Variants in TMC2 observed in about 807,000 individuals in gnomAD.
The protein encoded by TMC2 is transmembrane channel-like protein 2.
A neutral mutation model predicts 105.9 loss-of-function variants in TMC2; 102 were observed. The observed-to-expected ratio is 0.96, with a 90% CI of 0.82 to 1.14. The LOEUF is 1.14. TMC2 is among the 50% of genes most tolerant of loss of function. TMC2 has a pLI of 0.00. For synonymous variants in TMC2, 402 were observed against 422.8 expected (o/e 0.95, Z 0.60); for missense variants, 1,093 against 1,134.3 (o/e 0.96, Z 0.52).
intron 19 of TMC2, among the ~76,000 whole-genome samples, chr20:2,640,871 T>C (rs550917913): frequency 1.7e-4 from 26 of 152,224 alleles, no homozygotes; most frequent in African/African-American, 5.3e-4. Context: ...TTTTGTACTC[T>C]AGAAAACCCG....
intron 17 of TMC2, among the ~76,000 whole-genome samples, chr20:2,629,807 A>T (rs2146264159): frequency 6.6e-6 from 1 of 152,344 alleles, no homozygotes; most frequent in East Asian, 1.9e-4. Context: ...ATCAAACTGT[A>T]GTCCACAAGC....
Position 2,637,355 on chromosome 20 carries a change from T to G in TMC2, c.2386-119T>G, listed in dbSNP as rs1046854194. The G allele has an allele frequency of 6.9e-5, 41 of 591,584 alleles. No homozygotes were observed. The African/African-American group carries it at 7.1e-4, about 10-fold the overall frequency. 36.6% of individuals were successfully genotyped at this position (591,584 alleles called of 1,614,324 possible). On this transcript the variant is annotated intron_variant, in intron 18 of 19. Coordinates refer to ENST00000358864, the MANE Select transcript of TMC2 (RefSeq NM_080751.3). ...GTGAGCCGAGTTCACGCCGCTGCAC[T>G]CCAGCCTGGGCAACAGAGTGAGACT...
At chr20:2,601,544 TAA>T (rs2086351660) in intron 10 of TMC2, among the ~76,000 whole-genome samples, 1 of 152,148 alleles carries the variant, frequency 6.6e-6, no homozygotes, top group Admixed American at 6.5e-5. Flanking sequence ...TTGCTGGGAT[TAA>T]GAGGGACAAT....
chr20:2,557,687 C>T (rs6114895), intron 2 of TMC2, among the ~76,000 whole-genome samples: 20,964 of 152,104 alleles, frequency 0.14, 2,648 homozygotes, highest in African/African-American at 0.33. Context: ...TGCACCACCA[C>T]GCCCAGCTAA....
rs774894465 is a variant in TMC2 at position 2,613,256 on chromosome 20, C to G, written c.1806C>G (p.Asp602Glu). The change falls in exon 14 of 20, where the codon GAC (aspartate) becomes GAG (glutamate). Residue 602 changes from aspartate (D) to glutamate (E), a missense_variant. Transcript: ENST00000358864. ...LVTYITILLG[D>E]FLRACFVRFM... ...CGTACATCACCATCCTGCTGGGGGA[C>G]TTCCTACGGGCTTGTTTTGTGCGGT... 2 of 1,614,028 alleles carry G rather than the reference C, an allele frequency of 1.2e-6. No homozygotes were observed. The highest frequency in any genetic ancestry group is 8.5e-7 in the Non-Finnish European group (1 of 1,180,032).
At chr20:2,557,562 C>T (rs981788867) in intron 2 of TMC2, among the ~76,000 whole-genome samples, 5 of 152,250 alleles carry the variant, frequency 3.3e-5, no homozygotes, top group African/African-American at 1.2e-4. Context: ...TGGAGTCTCG[C>T]TCTTGTCGCT....
intron 2 of TMC2, among the ~76,000 whole-genome samples, chr20:2,556,489 G>T (rs1213011115): frequency 6.6e-6 from 1 of 152,138 alleles, no homozygotes; most frequent in Non-Finnish European, 1.5e-5. Context: ...CATTTTGAGG[G>T]GCTGGACAGG....
At position 2,613,301 on chromosome 20, in the gene TMC2, C is replaced by A. The variant is rs1469030865; in HGVS notation, c.1851C>A (p.Cys617Ter). ...TGCGGTTCATGAACTACTGCTGGTG[C>A]TGGGACTTGGAGGCTGGATTTGTAG... ...CFVRFMNYCW[C>*]WDLEAGFPSY... The change falls in exon 14 of 20, where the codon TGC (cysteine) becomes TGA (stop). Residue 617 changes from cysteine to a stop codon, truncating the protein, a stop_gained. Transcript: ENST00000358864. LOFTEE classifies it high-confidence loss of function. 6.2e-7 allele frequency: 1 copy of A among 1,613,990 alleles called. No homozygotes were observed. The highest frequency in any genetic ancestry group is 1.3e-5 in the African/African-American group (1 of 74,888).
chr20:2,574,210 TA>T (rs1473320212), intron 5 of TMC2, among the ~76,000 whole-genome samples: 1 of 152,246 alleles, frequency 6.6e-6, no homozygotes, highest in Non-Finnish European at 1.5e-5. Flanking sequence ...AATTTTTTTT[TA>T]TTTCTGGGAT....
At chr20:2,569,861 A>C (rs2086090470) in intron 4 of TMC2, among the ~76,000 whole-genome samples, 1 of 152,180 alleles carries the variant, frequency 6.6e-6, no homozygotes, top group Admixed American at 6.5e-5. Context: ...CTTTTTGTGT[A>C]GCCCCTCCAG....
chr20:2,637,303 G>A lies in TMC2; in HGVS notation c.2386-171G>A, dbSNP rs142900608. 4.9e-4 allele frequency among the ~76,000 whole-genome samples: 73 copies of A among 150,172 alleles called. No homozygotes were observed. In the East Asian group the frequency reaches 0.012, roughly 25 times the overall value. ...TCGAGAGGCTGAGGGCAGGAGAATC[G>A]CTTGAACCCAGGAGGCAGAGATTGC... On this transcript the variant is annotated intron_variant, in intron 18 of 19. Transcript: ENST00000358864.
At chr20:2,554,263 T>C (rs370620996) in intron 2 of TMC2, among the ~76,000 whole-genome samples, 1 of 152,098 alleles carries the variant, frequency 6.6e-6, no homozygotes, top group East Asian at 1.9e-4. Context: ...ATAATTTATG[T>C]CTCCAGCCTG....
chr20:2,565,051 G>GC (rs2086054533), intron 4 of TMC2, among the ~76,000 whole-genome samples: 1 of 152,146 alleles, frequency 6.6e-6, no homozygotes, highest in Admixed American at 6.5e-5. Context: ...GGTCCCCATT[G>GC]CCCCTCCCCA....
At chr20:2,611,931 T>C (rs2086443396) in intron 12 of TMC2, among the ~76,000 whole-genome samples, 1 of 151,460 alleles carries the variant, frequency 6.6e-6, no homozygotes, top group Non-Finnish European at 1.5e-5. Flanking sequence ...GATGGATGAA[T>C]AGACAAGTGG....
Position 2,641,127 on chromosome 20 carries a change from T to C in TMC2, c.2504-7T>C, listed in dbSNP as rs750921845. 8.1e-6 allele frequency: 13 copies of C among 1,613,750 alleles called. No homozygotes were observed. The South Asian group carries it at 1.3e-4, about 16-fold the overall frequency. On this transcript the variant is annotated splice_region_variant and splice_polypyrimidine_tract_variant and intron_variant, in intron 19 of 19. Coordinates refer to ENST00000358864, the MANE Select transcript of TMC2 (RefSeq NM_080751.3). The stretch of plus-strand genomic sequence containing the variant: ...CTTCCTCTTTCTTGTCTTGGTTCGT[T>C]TTCCAGAGACCACTCCTCCCTCTGC...
chr20:2,616,342 A>T lies in TMC2; in HGVS notation c.1940+138A>T, dbSNP rs1460813503. On this transcript the variant is annotated intron_variant, in intron 15 of 19. Transcript: ENST00000358864. This position sits in a 1 kb window ranked among gnomAD's most constrained non-coding sequence, Gnocchi z 4.8. ...CTGAACTCCCCTCTTTCACATGAAA[A>T]ATCAAGAGCGGGACTAGATGAGAAG... is the stretch of plus-strand genomic sequence containing the variant. The T allele has an allele frequency of 1.3e-5, 9 of 712,234 alleles. No homozygotes were observed. Among genetic ancestry groups the T allele is most frequent in the Non-Finnish European group, 2.0e-5 (8 of 401,886 alleles). The allele number at this position is 712,234 out of a possible 1,614,324, so 44.1% of individuals were successfully genotyped here.
intron 17 of TMC2, among the ~76,000 whole-genome samples, chr20:2,630,236 A>T (rs2086594337): frequency 6.6e-6 from 1 of 152,178 alleles, no homozygotes; most frequent in Non-Finnish European, 1.5e-5. Context: ...GAGTTGTTCA[A>T]GTCTACTATT....
chr20:2,617,379 A>G, intron 16 of TMC2, 68 bp downstream of exon 16: 1 of 1,584,528 alleles, frequency 6.3e-7, no homozygotes, highest in Non-Finnish European at 8.6e-7. Flanking sequence ...GCCTCGGCCC[A>G]GAATTCCAGT....
intron 2 of TMC2, among the ~76,000 whole-genome samples, chr20:2,552,250 C>G (rs1363791790): frequency 1.3e-5 from 2 of 152,116 alleles, no homozygotes; most frequent in Non-Finnish European, 2.9e-5. Flanking sequence ...AGAATGAGAC[C>G]CTGTCTCTAA....
Sources: allele counts gnomAD v4.1 joint callset (sites outside exome capture counted in the v4.1 genomes callset), GRCh38; gene constraint gnomAD v4.1.1; non-coding constraint Gnocchi (gnomAD v3.1); transcripts MANE v1.5; gene names NCBI Gene and HGNC (gene_info 2026-07-23, HGNC 2026-07-21).